UTRN: variants seen among roughly 807,000 people sequenced by gnomAD.
UTRN encodes the protein utrophin, also known as dystrophin-related protein 1.
A neutral mutation model predicts 463.9 loss-of-function variants in UTRN; 283 were observed. That is an observed-to-expected ratio of 0.61 (90% CI 0.55 to 0.67). The LOEUF is 0.67. UTRN is among the 30% of genes least tolerant of loss of function. The pLI is 0.00. For missense variants in UTRN, 3,922 were observed against 4,084.3 expected, an observed-to-expected ratio of 0.96 and a Z score of 1.08; for synonymous variants, 1,442 against 1,431.5, an observed-to-expected ratio of 1.01 and a Z score of -0.17.
In UTRN at chr6:144,314,059, G is replaced by A. The variant is rs1051273259; in HGVS notation, c.79+22152G>A. On this transcript the variant is annotated intron_variant, in intron 2 of 74. Transcript: ENST00000367545. Reference sequence around the variant, plus strand: ...AGGTAGGGAGGGGCTCAGAGAGGGAGGCTGGAGAATATTCACTTATTTAGC... The same window carrying A: ...AGGTAGGGAGGGGCTCAGAGAGGGAAGCTGGAGAATATTCACTTATTTAGC... Among the ~76,000 whole-genome samples the A allele has an allele frequency of 6.6e-5, 10 of 152,232 alleles. No individual in the cohort carries two copies. The East Asian group carries it at 1.9e-3, about 29-fold the overall frequency.
chr6:144,639,731 T>A (rs1777569427), intron 51 of UTRN, among the ~76,000 whole-genome samples: 2 of 152,150 alleles, frequency 1.3e-5, no homozygotes, highest in African/African-American at 4.8e-5. Context: ...TTTTTTTGAA[T>A]CATGAAGCTG....
chr6:144,763,950 C>T (rs17074139), intron 58 of UTRN, among the ~76,000 whole-genome samples: 21,247 of 152,038 alleles, frequency 0.14, 3,053 homozygotes, highest in African/African-American at 0.37. Flanking sequence ...GTAAAGAACT[C>T]TTGGGCCGCA....
intron 65 of UTRN, among the ~76,000 whole-genome samples, chr6:144,806,591 CTCTGAAG>C: frequency 9.8e-6 from 1 of 102,094 alleles, no homozygotes; most frequent in Non-Finnish European, 2.2e-5. Context: ...TCCATTCATT[CTCTGAAG>C]CCACAGAGAA....
At chr6:144,429,784 G>T in intron 9 of UTRN, 43 bp downstream of exon 9, 4 of 1,590,704 alleles carry the variant, frequency 2.5e-6, no homozygotes, top group Non-Finnish European at 3.4e-6. Context: ...TGCCGTATTT[G>T]TTTTCTCCTA....
intron 65 of UTRN, among the ~76,000 whole-genome samples, chr6:144,809,294 C>A (rs761994014): frequency 3.9e-5 from 6 of 152,098 alleles, no homozygotes; most frequent in Non-Finnish European, 8.8e-5. Context: ...TGCTACCTTG[C>A]CACTAGAGTG....
intron 52 of UTRN, among the ~76,000 whole-genome samples, chr6:144,689,608 G>C (rs888418441): frequency 6.6e-6 from 1 of 152,168 alleles, no homozygotes; most frequent in Non-Finnish European, 1.5e-5. Flanking sequence ...GTCCAGGCTG[G>C]TGCAGGGGGA....
At chr6:144,429,822 GT>G in intron 9 of UTRN, 81 bp downstream of exon 9, 1 of 1,469,160 alleles carries the variant, frequency 6.8e-7, no homozygotes, top group Non-Finnish European at 9.2e-7. Context: ...CTTTTAGAGG[GT>G]TTTTTTCTTG....
At chr6:144,586,175 C>G (rs1007676169) in intron 51 of UTRN, among the ~76,000 whole-genome samples, 3 of 151,964 alleles carry the variant, frequency 2.0e-5, no homozygotes, top group African/African-American at 7.3e-5. Flanking sequence ...AGAATATTCT[C>G]ATTTTGTGGG....
chr6:144,484,911 A>ATTATT (rs902013027), intron 27 of UTRN, among the ~76,000 whole-genome samples: 24 of 151,120 alleles, frequency 1.6e-4, no homozygotes, highest in African/African-American at 2.9e-4. Context: ...GATTTTGTTG[A>ATTATT]TTATTTTATT....
chr6:144,734,367 G>A (rs1366717501), intron 54 of UTRN, among the ~76,000 whole-genome samples: 1 of 152,082 alleles, frequency 6.6e-6, no homozygotes, highest in African/African-American at 2.4e-5. Flanking sequence ...TAGAGTAATT[G>A]GATTATTGAT....
intron 2 of UTRN, among the ~76,000 whole-genome samples, chr6:144,353,675 T>G (rs1014972982): frequency 6.6e-6 from 1 of 152,094 alleles, no homozygotes; most frequent in Non-Finnish European, 1.5e-5. Flanking sequence ...GGCAAAACCC[T>G]GTCTCTACTA....
At chr6:144,412,682 A>G (rs1784002362) in intron 3 of UTRN, among the ~76,000 whole-genome samples, 2 of 151,760 alleles carry the variant, frequency 1.3e-5, no homozygotes, top group Non-Finnish European at 2.9e-5. Context: ...TAATCTGAGG[A>G]GAGTGTGAAT....
At chr6:144,565,421 A>T (rs1800315743) in intron 50 of UTRN, among the ~76,000 whole-genome samples, 2 of 152,182 alleles carry the variant, frequency 1.3e-5, no homozygotes. Context: ...GAGGTTGAAC[A>T]TGTGGGACTG....
intron 54 of UTRN, among the ~76,000 whole-genome samples, chr6:144,745,938 T>C (rs1790687526): frequency 6.6e-6 from 1 of 151,546 alleles, no homozygotes; most frequent in Non-Finnish European, 1.5e-5. Flanking sequence ...ATCTTAGACA[T>C]AACATTTTAT....
intron 57 of UTRN, among the ~76,000 whole-genome samples, chr6:144,755,967 C>T (rs1249122490): frequency 6.6e-6 from 1 of 151,976 alleles, no homozygotes; most frequent in African/African-American, 2.4e-5. Context: ...TACCTCTCAC[C>T]CTCCTCACTG....
At chr6:144,326,935 T>C (rs971439890) in intron 2 of UTRN, among the ~76,000 whole-genome samples, 6 of 152,204 alleles carry the variant, frequency 3.9e-5, no homozygotes, top group Non-Finnish European at 5.9e-5. Context: ...TTTCTGCGTC[T>C]CTAGGCCACC....
intron 51 of UTRN, among the ~76,000 whole-genome samples, chr6:144,630,167 G>A (rs896401584): frequency 1.3e-5 from 2 of 152,150 alleles, no homozygotes; most frequent in African/African-American, 4.8e-5. Context: ...CAGCCTGGGT[G>A]ACAGAGCGAG....
rs768513319 is a variant in UTRN at position 144,554,859 on chromosome 6, G to C, written c.7100G>C (p.Arg2367Pro). The C allele has an allele frequency of 1.9e-6, 3 of 1,613,742 alleles. No individual in the cohort carries two copies. In the African/African-American group the frequency reaches 4.0e-5, roughly 22 times the overall value. ...ARLYILQQAR[R>P]DPLTKQISDN... ...CTCTATATTCTTCAGCAAGCCCGAC[G>C]GGATCCACTCACCAAACAAATTTCT... Residue 2367 changes from arginine to proline, a missense_variant, in exon 49 of 75, where the codon CGG (arginine) becomes CCG (proline). Arg to Pro is a moderately radical substitution (Grantham distance 103). This residue lies in a region of UTRN where 1,309 missense variants were observed against 1,452.6 expected (regional missense o/e 0.90). Transcript: ENST00000367545.
intron 54 of UTRN, among the ~76,000 whole-genome samples, chr6:144,731,093 A>T (rs1242725384): frequency 6.6e-6 from 1 of 150,814 alleles, no homozygotes; most frequent in Non-Finnish European, 1.5e-5. Context: ...CATTTATTAA[A>T]ATATAATAGT....
Sources: allele counts gnomAD v4.1 joint callset (sites outside exome capture counted in the v4.1 genomes callset), GRCh38; gene constraint gnomAD v4.1.1; regional missense constraint gnomAD v4.1.1; transcripts MANE v1.5; gene names NCBI Gene and HGNC (gene_info 2026-07-23, HGNC 2026-07-21).